The following GPR158 variants were observed in gnomAD, a reference collection of about 807,000 sequenced individuals.
GPR158 encodes the protein G protein-coupled receptor 158.
A neutral mutation model predicts 78.2 loss-of-function variants in GPR158; 30 were observed. The observed-to-expected ratio is 0.38, with a 90% CI of 0.29 to 0.52. The LOEUF is 0.52. Among genes scored for constraint, GPR158 ranks in the 20% least tolerant of loss-of-function variants. The pLI is 0.83. For synonymous variants in GPR158, 581 were observed against 591.1 expected (o/e 0.98, Z 0.25); for missense variants, 1,463 against 1,523.5 (o/e 0.96, Z 0.66).
intron 7 of GPR158, among the ~76,000 whole-genome samples, chr10:25,587,253 C>A (rs1837281037): frequency 6.6e-6 from 1 of 152,096 alleles, no homozygotes. Flanking sequence ...TCAGATATGA[C>A]AAATGTAACC....
chr10:25,207,952 T>C (rs999188977), intron 1 of GPR158, among the ~76,000 whole-genome samples: 4 of 152,240 alleles, frequency 2.6e-5, no homozygotes, highest in Non-Finnish European at 4.4e-5. Flanking sequence ...TTTACTCTTA[T>C]GCTATCATTA....
At chr10:25,433,690 C>CTTTTTTTTTTTTTTTT (rs776105443) in intron 4 of GPR158, among the ~76,000 whole-genome samples, 6 of 93,256 alleles carry the variant, frequency 6.4e-5, no homozygotes, top group Non-Finnish European at 9.2e-5. Context: ...TTCTTTCTTT[C>CTTTTTTTTTTTTTTTT]TTTCTTTTTT....
At chr10:25,446,769 G>A (rs1019875821) in intron 4 of GPR158, among the ~76,000 whole-genome samples, 1 of 152,146 alleles carries the variant, frequency 6.6e-6, no homozygotes, top group African/African-American at 2.4e-5. Flanking sequence ...TAGGTAATAT[G>A]AATAGATTCT....
intron 4 of GPR158, among the ~76,000 whole-genome samples, chr10:25,464,919 AAGCGTCT>A (rs1835402653): frequency 6.6e-6 from 1 of 152,212 alleles, no homozygotes; most frequent in African/African-American, 2.4e-5. Context: ...TTTTCACCAA[AAGCGTCT>A]TCTATCTAAC....
At chr10:25,536,278 A>C (rs1452738356) in intron 5 of GPR158, among the ~76,000 whole-genome samples, 1 of 152,204 alleles carries the variant, frequency 6.6e-6, no homozygotes, top group Non-Finnish European at 1.5e-5. Flanking sequence ...TAATGCAAAT[A>C]TATTTTACAT....
intron 5 of GPR158, 64 bp downstream of exon 5, chr10:25,466,783 T>C (rs1835429285): frequency 7.3e-6 from 6 of 827,446 alleles, no homozygotes; most frequent in Non-Finnish European, 1.2e-5. Context: ...ATAAAGTTAC[T>C]GTTTACACAC....
At chr10:25,291,867 A>T (rs115113358) in intron 2 of GPR158, among the ~76,000 whole-genome samples, 4,377 of 152,208 alleles carry the variant, frequency 0.029, 217 homozygotes, top group African/African-American at 0.1. Flanking sequence ...TAGCTGAGAA[A>T]GCAATTTCAT....
intron 9 of GPR158, 136 bp from the exon 10 acceptor site, chr10:25,596,507 C>CTATATA (rs576637004): frequency 1.1e-4 from 67 of 591,888 alleles, no homozygotes; most frequent in African/African-American, 1.1e-3. Context: ...ATCTATCTAT[C>CTATATA]TATATATATA....
At chr10:25,452,505 G>A (rs965983333) in intron 4 of GPR158, among the ~76,000 whole-genome samples, 1 of 152,122 alleles carries the variant, frequency 6.6e-6, no homozygotes, top group African/African-American at 2.4e-5. Context: ...CACCCACCCA[G>A]CATGTCATGG....
At position 25,226,306 on chromosome 10, in the gene GPR158, G is replaced by A. The variant is rs112273243; in HGVS notation, c.1008+5149G>A. ...AGTGGCTACCATGTTGAAAAGTGCA[G>A]TGGACTGCTCTGCCGTAGGATATAG... On this transcript the variant is annotated intron_variant, in intron 2 of 10. Coordinates refer to ENST00000376351, the MANE Select transcript of GPR158 (RefSeq NM_020752.3). 9.8e-3 allele frequency among the ~76,000 whole-genome samples: 1,494 copies of A among 152,264 alleles called. 32 individuals are homozygous for A. The highest frequency in any genetic ancestry group is 0.033 in the African/African-American group (1,385 of 41,560).
intron 1 of GPR158, among the ~76,000 whole-genome samples, chr10:25,193,397 A>G (rs776905757): frequency 6.6e-6 from 1 of 152,168 alleles, no homozygotes; most frequent in Admixed American, 6.5e-5. Context: ...TCATGGAGCA[A>G]GCTGAGGTCA....
chr10:25,371,222 T>C (rs1833986667), intron 2 of GPR158, among the ~76,000 whole-genome samples: 1 of 151,220 alleles, frequency 6.6e-6, no homozygotes, highest in Admixed American at 6.6e-5. Flanking sequence ...TGATGTTAGC[T>C]GGTTATTTTG....
At chr10:25,381,304 G>C (rs1834151395) in intron 2 of GPR158, among the ~76,000 whole-genome samples, 1 of 150,428 alleles carries the variant, frequency 6.6e-6, no homozygotes, top group Non-Finnish European at 1.5e-5. Flanking sequence ...AGCAAGGGTG[G>C]TGAGAGCCAA....
intron 1 of GPR158, among the ~76,000 whole-genome samples, chr10:25,189,290 G>A (rs536006753): frequency 5.3e-5 from 8 of 152,240 alleles, no homozygotes; most frequent in South Asian, 2.1e-4. Flanking sequence ...CTGGGTATAC[G>A]CCCAAAGGAT....
intron 2 of GPR158, among the ~76,000 whole-genome samples, chr10:25,262,544 T>C (rs1396894036): frequency 6.6e-6 from 1 of 152,146 alleles, no homozygotes; most frequent in Non-Finnish European, 1.5e-5. Context: ...CATTTTTTGT[T>C]TTACAATTTT....
chr10:25,405,610 G>A (rs1834504739), intron 3 of GPR158, among the ~76,000 whole-genome samples: 1 of 138,408 alleles, frequency 7.2e-6, no homozygotes, highest in Non-Finnish European at 1.5e-5. Context: ...TGCTTGGGTA[G>A]TTTGATTAGC....
At chr10:25,315,893 A>G (rs1353940599) in intron 2 of GPR158, among the ~76,000 whole-genome samples, 1 of 151,974 alleles carries the variant, frequency 6.6e-6, no homozygotes, top group African/African-American at 2.4e-5. Context: ...CCTTTGATGT[A>G]TTGTTTGTAG....
chr10:25,531,316 A>C (rs983215963), intron 5 of GPR158, among the ~76,000 whole-genome samples: 5 of 152,194 alleles, frequency 3.3e-5, no homozygotes, highest in Non-Finnish European at 5.9e-5. Flanking sequence ...GAGAAACATC[A>C]AGTAGGTAAC....
chr10:25,416,976 A>G (rs560416569), intron 4 of GPR158, among the ~76,000 whole-genome samples: 1 of 152,286 alleles, frequency 6.6e-6, no homozygotes, highest in South Asian at 2.1e-4. Flanking sequence ...GTTCTCACCC[A>G]GTGCCAGCAG....
Sources: gnomAD v4.1 joint callset for allele counts (sites outside exome capture counted in the v4.1 genomes callset) on GRCh38, gnomAD v4.1.1 for gene constraint, MANE v1.5 for transcripts, NCBI Gene and HGNC (gene_info 2026-07-23, HGNC 2026-07-21) for gene names.